KLF8: variants seen among roughly 807,000 people sequenced by gnomAD.
The protein encoded by KLF8 is KLF transcription factor 8.
In KLF8, 10 loss-of-function variants were observed where a neutral mutation model predicts 18.2. The observed-to-expected ratio is 0.55, with a 90% CI of 0.34 to 0.93. The LOEUF (loss-of-function observed/expected upper bound fraction) is 0.93, where lower values mean the gene tolerates loss of function less well. Among genes scored for constraint, KLF8 ranks in the 40% least tolerant of loss-of-function variants. The pLI is 0.02. For missense variants in KLF8, 264 were observed against 277.9 expected (o/e 0.95, Z 0.36); for synonymous variants, 109 against 97.3 (o/e 1.12, Z -0.71).
At chrX:56,172,152 A>G in the KLF8 span, among the ~76,000 whole-genome samples, 1 of 110,206 alleles carries the variant, frequency 9.1e-6, no homozygotes, top group Non-Finnish European at 1.9e-5. Context: ...ACAGGTGTAC[A>G]ACATGCAGGT....
At chrX:56,101,759 T>C in the KLF8 span, among the ~76,000 whole-genome samples, 11 of 112,283 alleles carry the variant, frequency 9.8e-5, no homozygotes, top group Non-Finnish European at 1.9e-4. Context: ...TTTTGAGAAG[T>C]GCCTGTCCAT....
At chrX:55,987,882 C>G in the KLF8 span, among the ~76,000 whole-genome samples, 2 of 110,341 alleles carry the variant, frequency 1.8e-5, no homozygotes. Flanking sequence ...GACTTTTTAA[C>G]GATCGCCATT....
chrX:56,241,893 T>G (rs1206306007), intron 1 of KLF8, among the ~76,000 whole-genome samples: 1 of 112,561 alleles, frequency 8.9e-6, no homozygotes, highest in Non-Finnish European at 1.9e-5. Flanking sequence ...TCTGAGATTA[T>G]GTTTCTATAA....
the KLF8 span, among the ~76,000 whole-genome samples, chrX:56,183,702 C>A: frequency 9.9e-5 from 11 of 111,591 alleles, no homozygotes; most frequent in African/African-American, 3.6e-4. Flanking sequence ...AGAAAACTAC[C>A]TTCACTATAA....
chrX:56,077,858 G>T, the KLF8 span, among the ~76,000 whole-genome samples: 1 of 111,018 alleles, frequency 9.0e-6, no homozygotes, highest in African/African-American at 3.3e-5. Context: ...GGTCCTTCAC[G>T]TCCCTTGTAA....
At chrX:56,053,935 A>T in the KLF8 span, among the ~76,000 whole-genome samples, 1 of 109,522 alleles carries the variant, frequency 9.1e-6, no homozygotes, top group Admixed American at 9.8e-5. Context: ...TTATTTTATT[A>T]TTTTATGTCA....
At chrX:56,098,809 T>G in the KLF8 span, among the ~76,000 whole-genome samples, 1 of 111,631 alleles carries the variant, frequency 9.0e-6, no homozygotes, top group Admixed American at 9.6e-5. Flanking sequence ...CTCTTGCAGA[T>G]GACATGATTT....
At chrX:56,143,829 A>G in the KLF8 span, among the ~76,000 whole-genome samples, 1 of 112,298 alleles carries the variant, frequency 8.9e-6, no homozygotes, top group Non-Finnish European at 1.9e-5. Flanking sequence ...TGATAAGTTC[A>G]GTGCCTGATA....
chrX:56,193,913 G>A, the KLF8 span, among the ~76,000 whole-genome samples: 1 of 111,901 alleles, frequency 8.9e-6, no homozygotes, highest in South Asian at 3.8e-4. Context: ...TAGCACAAGA[G>A]AGTGACTATA....
At chrX:56,275,376 T>A (rs941854341) in intron 5 of KLF8, among the ~76,000 whole-genome samples, 11 of 112,034 alleles carry the variant, frequency 9.8e-5, no homozygotes, top group South Asian at 3.7e-4. Context: ...TAATTTTTTT[T>A]AATCAATTCT....
At chrX:55,956,443 T>C in the KLF8 span, among the ~76,000 whole-genome samples, 1 of 111,304 alleles carries the variant, frequency 9.0e-6, no homozygotes. Context: ...AATTATGTGG[T>C]GCATTATTTT....
the KLF8 span, among the ~76,000 whole-genome samples, chrX:56,156,100 G>A: frequency 0.035 from 3,953 of 112,022 alleles, 67 homozygotes; most frequent in South Asian, 0.098. Context: ...ATTATGAATA[G>A]CACAGTTGCA....
At chrX:56,043,431 T>C in the KLF8 span, among the ~76,000 whole-genome samples, 1 of 111,596 alleles carries the variant, frequency 9.0e-6, no homozygotes, top group East Asian at 2.8e-4. Flanking sequence ...TCCATTCACC[T>C]TGTCGGTTTC....
the KLF8 span, among the ~76,000 whole-genome samples, chrX:56,188,276 T>C: frequency 3.6e-5 from 4 of 110,993 alleles, no homozygotes; most frequent in African/African-American, 1.3e-4. Flanking sequence ...CACAATTGCT[T>C]CAAAGAGAAT....
At chrX:55,944,271 A>G in the KLF8 span, among the ~76,000 whole-genome samples, 2 of 109,490 alleles carry the variant, frequency 1.8e-5, no homozygotes, top group African/African-American at 3.3e-5. Flanking sequence ...ATGTTCATCA[A>G]GGATATTGGT....
chrX:56,054,394 T>A, the KLF8 span, among the ~76,000 whole-genome samples: 2 of 111,850 alleles, frequency 1.8e-5, no homozygotes, highest in South Asian at 7.4e-4. Context: ...AATTGTATGG[T>A]TTTGAATGAA....
chrX:55,925,226 A>C, the KLF8 span, among the ~76,000 whole-genome samples: 10 of 103,180 alleles, frequency 9.7e-5, no homozygotes, highest in Non-Finnish European at 2.0e-4. Flanking sequence ...TTCTACCGTA[A>C]ATAAACTATG....
the KLF8 span, among the ~76,000 whole-genome samples, chrX:56,045,580 TTTTG>T: frequency 1.8e-5 from 2 of 111,941 alleles, no homozygotes; most frequent in Non-Finnish European, 3.8e-5. Context: ...TTAGCAGTGT[TTTTG>T]TTTGTTTGTT....
chrX:56,191,928 C>A, the KLF8 span, among the ~76,000 whole-genome samples: 2 of 111,379 alleles, frequency 1.8e-5, no homozygotes, highest in East Asian at 2.8e-4. Context: ...AATAAGGATG[C>A]CCATTGTCAC....
Sources: gnomAD v4.1 joint callset for allele counts (sites outside exome capture counted in the v4.1 genomes callset) on GRCh38, gnomAD v4.1.1 for gene constraint, MANE v1.5 for transcripts, NCBI Gene and HGNC (gene_info 2026-07-23, HGNC 2026-07-21) for gene names.